ZNF385B: variants seen among roughly 807,000 people sequenced by gnomAD.
ZNF385B encodes the protein zinc finger protein 385B.
In ZNF385B, 23 loss-of-function variants were observed where a neutral mutation model predicts 39.2. The observed-to-expected ratio is 0.59, with a 90% CI of 0.42 to 0.83. The LOEUF is 0.83. Among genes scored for constraint, ZNF385B ranks in the 40% least tolerant of loss-of-function variants. The pLI is 0.00. For synonymous variants in ZNF385B, 205 were observed against 222.6 expected (o/e 0.92, Z 0.70); for missense variants, 552 against 598.9 (o/e 0.92, Z 0.82).
At chr2:179,519,159 T>A (rs867875316) in intron 4 of ZNF385B, among the ~76,000 whole-genome samples, 1 of 152,184 alleles carries the variant, frequency 6.6e-6, no homozygotes, top group Non-Finnish European at 1.5e-5. Flanking sequence ...AAAATGTTAA[T>A]GTTTTCCCTG....
intron 1 of ZNF385B, among the ~76,000 whole-genome samples, chr2:179,793,133 G>A (rs357704): frequency 0.56 from 84,698 of 151,924 alleles, 23,701 homozygotes; most frequent in East Asian, 0.6. Flanking sequence ...CCTTTTCTTT[G>A]CATATGAGGA....
intron 3 of ZNF385B, among the ~76,000 whole-genome samples, chr2:179,552,672 T>C (rs1340254553): frequency 2.7e-5 from 4 of 149,118 alleles, no homozygotes; most frequent in Non-Finnish European, 5.9e-5. Flanking sequence ...GCATTTCTTT[T>C]CTTTCATAAA....
intron 3 of ZNF385B, among the ~76,000 whole-genome samples, chr2:179,731,221 G>A (rs1441070267): frequency 2.0e-5 from 3 of 152,164 alleles, no homozygotes; most frequent in Non-Finnish European, 4.4e-5. Flanking sequence ...ACGTTTCTAA[G>A]CATTGTGCTA....
At chr2:179,492,648 T>C (rs2055365832) in intron 5 of ZNF385B, among the ~76,000 whole-genome samples, 1 of 152,076 alleles carries the variant, frequency 6.6e-6, no homozygotes, top group African/African-American at 2.4e-5. Flanking sequence ...TTTATATATG[T>C]TTAATATATT....
At chr2:179,691,721 C>A (rs1393854539) in intron 3 of ZNF385B, among the ~76,000 whole-genome samples, 1 of 152,070 alleles carries the variant, frequency 6.6e-6, no homozygotes, top group East Asian at 1.9e-4. Flanking sequence ...AGTAATTTTT[C>A]AGTATATCAC....
chr2:179,444,907 T>C lies in ZNF385B; in HGVS notation c.1211A>G (p.Asn404Ser). ...KPLKPKYSPYNKLQRSPSILA... is the reference protein window; with the variant it reads ...KPLKPKYSPYSKLQRSPSILA... ...AATACTCGGGCTCCGCTGGAGTTTGTTGTAAGGGCTGTATTTTGGCTTCAG... is the reference window on the plus strand; with the variant it reads ...AATACTCGGGCTCCGCTGGAGTTTGCTGTAAGGGCTGTATTTTGGCTTCAG... Residue 404 changes from asparagine (N) to serine (S), a missense_variant, in exon 9 of 10, where the codon AAC becomes AGC. Asn to Ser is a conservative substitution (Grantham distance 46). Coordinates refer to ENST00000410066, the MANE Select transcript of ZNF385B (RefSeq NM_152520.6). 1 of 1,614,186 alleles carries C rather than the reference T, an allele frequency of 6.2e-7. No individual in the cohort carries two copies. The highest frequency in any genetic ancestry group is 8.5e-7 in the Non-Finnish European group (1 of 1,180,014).
intron 3 of ZNF385B, among the ~76,000 whole-genome samples, chr2:179,571,366 C>CATTT (rs1262745036): frequency 7.2e-5 from 11 of 152,248 alleles, no homozygotes; most frequent in African/African-American, 2.6e-4. Context: ...ATCTATTGAG[C>CATTT]ATTTACTTAA....
At chr2:179,768,457 A>G (rs913043525) in intron 3 of ZNF385B, among the ~76,000 whole-genome samples, 2 of 152,198 alleles carry the variant, frequency 1.3e-5, no homozygotes, top group Admixed American at 6.5e-5. Flanking sequence ...ACTGAGTAAA[A>G]AGTAGTTAGA....
chr2:179,533,747 T>C (rs1198070341), intron 4 of ZNF385B, among the ~76,000 whole-genome samples: 4 of 152,210 alleles, frequency 2.6e-5, no homozygotes, highest in Non-Finnish European at 5.9e-5. Flanking sequence ...TAAAATGTGT[T>C]TTAAATTGCC....
chr2:179,445,775 T>C, intron 7 of ZNF385B, 47 bp from the exon 8 acceptor site: 1 of 1,487,552 alleles, frequency 6.7e-7, no homozygotes, highest in Non-Finnish European at 8.9e-7. Flanking sequence ...AAGAATTATA[T>C]AAAGCTCTTT....
chr2:179,617,536 T>C (rs1689852581), intron 3 of ZNF385B, among the ~76,000 whole-genome samples: 1 of 152,198 alleles, frequency 6.6e-6, no homozygotes, highest in Admixed American at 6.5e-5. Context: ...GCAGTGTTTT[T>C]CGATTTTAGT....
At chr2:179,468,269 G>C (rs772170071) in intron 6 of ZNF385B, among the ~76,000 whole-genome samples, 2 of 152,174 alleles carry the variant, frequency 1.3e-5, no homozygotes, top group Non-Finnish European at 2.9e-5. Context: ...AAAAGGGCTT[G>C]TTTACTAGAG....
intron 3 of ZNF385B, among the ~76,000 whole-genome samples, chr2:179,692,066 T>C (rs1698397330): frequency 6.6e-6 from 1 of 152,140 alleles, no homozygotes; most frequent in Non-Finnish European, 1.5e-5. Flanking sequence ...TTATTAACCA[T>C]AGTCACCTTA....
chr2:179,715,952 T>C (rs963126067), intron 3 of ZNF385B, among the ~76,000 whole-genome samples: 19 of 152,182 alleles, frequency 1.2e-4, no homozygotes, highest in African/African-American at 4.6e-4. Flanking sequence ...GCCTGTATTT[T>C]GTCTGCTTTT....
intron 4 of ZNF385B, among the ~76,000 whole-genome samples, chr2:179,532,060 C>T (rs6715181): frequency 0.59 from 89,037 of 152,030 alleles, 26,846 homozygotes; most frequent in Admixed American, 0.71. Flanking sequence ...CAGTGATAAT[C>T]GCTTTATCGA....
At chr2:179,803,914 T>C (rs1485348946) in intron 1 of ZNF385B, among the ~76,000 whole-genome samples, 3 of 152,132 alleles carry the variant, frequency 2.0e-5, no homozygotes, top group Non-Finnish European at 4.4e-5. Flanking sequence ...TATCTGGAAA[T>C]AAGAAAGACA....
At chr2:179,562,572 G>A (rs1301865963) in intron 3 of ZNF385B, 5 of 985,224 alleles carry the variant, frequency 5.1e-6, no homozygotes, top group Admixed American at 6.2e-5. Flanking sequence ...TGTAATTGCC[G>A]CTTAGCTCTA....
chr2:179,523,840 T>C (rs2058680400), intron 4 of ZNF385B, among the ~76,000 whole-genome samples: 1 of 152,208 alleles, frequency 6.6e-6, no homozygotes, highest in Admixed American at 6.5e-5. Context: ...TTGCTCAGTC[T>C]GGAGAGCAGT....
chr2:179,574,696 T>C (rs1253956197), intron 3 of ZNF385B, among the ~76,000 whole-genome samples: 1 of 152,166 alleles, frequency 6.6e-6, no homozygotes, highest in East Asian at 1.9e-4. Flanking sequence ...TTGAAGAAAT[T>C]ATATTCTTCA....
Sources: gnomAD v4.1 joint callset for allele counts (sites outside exome capture counted in the v4.1 genomes callset) on GRCh38, gnomAD v4.1.1 for gene constraint, MANE v1.5 for transcripts, NCBI Gene and HGNC (gene_info 2026-07-23, HGNC 2026-07-21) for gene names.